The following VPS53 variants were observed in gnomAD, a reference collection of about 807,000 sequenced individuals.
VPS53 encodes the protein vacuolar protein sorting-associated protein 53 homolog.
In VPS53, 70 loss-of-function variants were observed where a neutral mutation model predicts 107.0. The observed-to-expected ratio is 0.65, with a 90% CI of 0.54 to 0.80. VPS53 has a LOEUF of 0.80. Among genes scored for constraint, VPS53 ranks in the 30% least tolerant of loss-of-function variants. VPS53 has a pLI of 0.00. For missense variants in VPS53, 917 were observed against 1,049.4 expected (o/e 0.87, Z 1.74); for synonymous variants, 409 against 393.3 (o/e 1.04, Z -0.47).
chr17:604,273 G>A (rs1192708775), intron 11 of VPS53, among the ~76,000 whole-genome samples: 1 of 151,914 alleles, frequency 6.6e-6, no homozygotes, highest in African/African-American at 2.4e-5. Context: ...AAACGCAGAG[G>A]GTAGGAAGAA....
Position 657,034 on chromosome 17 carries a change from A to G in VPS53, c.373-1081T>C, listed in dbSNP as rs540170825. On this transcript the variant is annotated intron_variant, in intron 5 of 21. Transcript: ENST00000437048. ...CAACTCTTCCCAGGTGAGCACCTCC[A>G]GTCACCATATATGGCTTGCCAGTGT... 13 of 859,688 alleles carry G rather than the reference A, an allele frequency of 1.5e-5. No homozygotes were observed. The East Asian group carries it at 3.1e-4, about 21-fold the overall frequency. The allele number at this position is 859,688 out of a possible 1,614,324, so 53.3% of individuals were successfully genotyped here.
At chr17:555,488 C>A (rs542332792) in intron 15 of VPS53, among the ~76,000 whole-genome samples, 1 of 152,124 alleles carries the variant, frequency 6.6e-6, no homozygotes, top group African/African-American at 2.4e-5. Context: ...TGAGCCACCA[C>A]GCCCGGCCCT....
chr17:615,603 G>A (rs188886724), intron 11 of VPS53, among the ~76,000 whole-genome samples: 1 of 152,280 alleles, frequency 6.6e-6, no homozygotes, highest in East Asian at 1.9e-4. Flanking sequence ...CTGTTTTGTG[G>A]CACCTTTCTG....
rs538388411 is a variant in VPS53, at chr17:646,058, C to T, written c.608+7233G>A. Among the ~76,000 whole-genome samples, 3 of 126,826 alleles carry T rather than the reference C, an allele frequency of 2.4e-5. 1 individual carries two copies. Among genetic ancestry groups the T allele is most frequent in the African/African-American group, 8.1e-5 (3 of 36,910 alleles). The allele number at this position is 126,826 out of a possible 152,430, so 83.2% of individuals were successfully genotyped here. A position where few individuals can be genotyped will look rare whatever the true frequency, so the allele number is the denominator to read the frequency against. ...CATCTCGGTGACCGCGTGGCCTCTG[C>T]CTGATAAGGGTCTTATCTTTTCTAA... On this transcript the variant is annotated intron_variant, in intron 7 of 21. Transcript: ENST00000437048.
At chr17:670,384 T>C (rs894815723) in intron 4 of VPS53, among the ~76,000 whole-genome samples, 7 of 152,216 alleles carry the variant, frequency 4.6e-5, no homozygotes, top group African/African-American at 1.7e-4. Flanking sequence ...TTCCAGCATC[T>C]TTGTATTTCT....
intron 18 of VPS53, among the ~76,000 whole-genome samples, chr17:534,482 C>G (rs1452434215): frequency 6.6e-6 from 1 of 152,120 alleles, no homozygotes; most frequent in East Asian, 1.9e-4. Flanking sequence ...GGCTTGTGAT[C>G]AGGAAGGAGA....
intron 4 of VPS53, among the ~76,000 whole-genome samples, chr17:669,350 T>A (rs2143682328): frequency 6.6e-6 from 1 of 152,210 alleles, no homozygotes; most frequent in East Asian, 1.9e-4. Flanking sequence ...CCCAGCACGC[T>A]GCAAGGCTGA....
intron 5 of VPS53, chr17:656,794 T>G (rs1692249030): frequency 1.4e-6 from 2 of 1,451,340 alleles, no homozygotes; most frequent in Non-Finnish European, 1.9e-6. Context: ...ACGGACCATT[T>G]CACCCGCTGC....
intron 13 of VPS53, among the ~76,000 whole-genome samples, chr17:585,652 G>A (rs1402937753): frequency 6.6e-6 from 1 of 152,054 alleles, no homozygotes; most frequent in Non-Finnish European, 1.5e-5. Context: ...AAAAAAGGAG[G>A]GGAGGGGAGG....
At chr17:693,805 C>T (rs532551292) in intron 4 of VPS53, among the ~76,000 whole-genome samples, 18 of 66,762 alleles carry the variant, frequency 2.7e-4, no homozygotes, top group East Asian at 1.4e-3. Flanking sequence ...ATTTATAAAA[C>T]GAAAACCTCC....
rs184325486 is a variant in VPS53 at position 683,999 on chromosome 17, A to G, written c.285+13419T>C. ...GTGGAATGCAGAGAGGATGTGAGGA[A>G]GAGGTCAGAAGCCTGCTATGAAAAG... On this transcript the variant is annotated intron_variant, in intron 4 of 21. Transcript: ENST00000437048. Among the ~76,000 whole-genome samples the G allele has an allele frequency of 9.5e-4, 145 of 152,380 alleles. 2 individuals are homozygous for G. Among genetic ancestry groups the G allele is most frequent in the South Asian group, 6.8e-3 (33 of 4,834 alleles).
rs368948099 is a variant in VPS53, at chr17:710,619, T to C, written c.88-6A>G. 1.6e-5 allele frequency: 25 copies of C among 1,600,392 alleles called. No individual in the cohort carries two copies. The highest frequency in any genetic ancestry group is 6.7e-5 in the East Asian group (3 of 44,796). On this transcript the variant is annotated splice_region_variant and splice_polypyrimidine_tract_variant and intron_variant, in intron 1 of 21. Coordinates refer to ENST00000437048, the MANE Select transcript of VPS53 (RefSeq NM_001128159.3). ...GGGTCCTGGCTTGGAAACACCTATA[T>C]AGAAAGAGAGGAGTATATATAAAAA...
intron 4 of VPS53, among the ~76,000 whole-genome samples, chr17:673,123 A>AC (rs1374991312): frequency 3.4e-5 from 5 of 148,896 alleles, no homozygotes; most frequent in African/African-American, 9.8e-5. Context: ...AAAAAAAAAC[A>AC]AAAACAAAAA....
chr17:702,614 C>T (rs910317626), intron 2 of VPS53, among the ~76,000 whole-genome samples: 1 of 151,946 alleles, frequency 6.6e-6, no homozygotes, highest in African/African-American at 2.4e-5. Flanking sequence ...TGCGGTGAGC[C>T]GAGATCGCGC....
chr17:629,093 A>G (rs1322948614), intron 8 of VPS53, among the ~76,000 whole-genome samples: 1 of 152,226 alleles, frequency 6.6e-6, no homozygotes, highest in Non-Finnish European at 1.5e-5. Context: ...TTAGGTGATA[A>G]GTAAGGTTCT....
chr17:683,421 A>C (rs1419113896), intron 4 of VPS53, among the ~76,000 whole-genome samples: 1 of 152,218 alleles, frequency 6.6e-6, no homozygotes, highest in East Asian at 1.9e-4. Context: ...AAACCAAGCA[A>C]AAATATTTTT....
rs199673182 is a variant in VPS53, at chr17:618,174, C to T, written c.1116+5359G>A. Among the ~76,000 whole-genome samples the T allele has an allele frequency of 8.2e-5, 7 of 85,128 alleles. No individual in the cohort carries two copies. The East Asian group carries it at 2.6e-3, about 31-fold the overall frequency. The allele number at this position is 85,128 out of a possible 152,430, so 55.8% of individuals were successfully genotyped here. On this transcript the variant is annotated intron_variant, in intron 11 of 21. Transcript: ENST00000437048. ...GCGCCACCACGCCCCACTAATGTTT[C>T]CCGGGTAGCTGGGACTACAGGCGTG...
chr17:528,810 G>A (rs1909310579), intron 19 of VPS53, among the ~76,000 whole-genome samples: 2 of 151,988 alleles, frequency 1.3e-5, no homozygotes, highest in African/African-American at 4.8e-5. Context: ...TGTTGGCCAG[G>A]CTGGTCTCGA....
chr17:530,504 C>T (rs1441810463), intron 19 of VPS53, among the ~76,000 whole-genome samples: 1 of 152,140 alleles, frequency 6.6e-6, no homozygotes, highest in Non-Finnish European at 1.5e-5. Flanking sequence ...AGATTTATTA[C>T]TCATAATCAT....
Sources: allele counts gnomAD v4.1 joint callset (sites outside exome capture counted in the v4.1 genomes callset), GRCh38; gene constraint gnomAD v4.1.1; transcripts MANE v1.5; gene names NCBI Gene and HGNC (gene_info 2026-07-23, HGNC 2026-07-21).